The following SEZ6 variants were observed in gnomAD, a reference collection of about 807,000 sequenced individuals.
The protein encoded by SEZ6 is seizure related 6 homolog.
SEZ6 carries 53 observed loss-of-function variants against 101.0 expected under a neutral mutation model. That is an observed-to-expected ratio of 0.52 (90% CI 0.42 to 0.66). The LOEUF (loss-of-function observed/expected upper bound fraction) is 0.66. Ranked by LOEUF, SEZ6 falls within the 30% of genes least tolerant of loss-of-function variation. SEZ6 has a pLI of 0.00. For missense variants in SEZ6, 1,102 were observed against 1,289.4 expected, an observed-to-expected ratio of 0.85 and a Z score of 2.23; for synonymous variants, 488 against 512.2, an observed-to-expected ratio of 0.95 and a Z score of 0.64.
Position 28,960,954 on chromosome 17 carries a change from G to T in SEZ6, c.1260C>A (p.Ile420=), listed in dbSNP as rs2040968629. 1 of 1,613,410 alleles carries T rather than the reference G, an allele frequency of 6.2e-7. No individual in the cohort carries two copies. The highest frequency in any genetic ancestry group is 8.5e-7 in the Non-Finnish European group (1 of 1,179,786). The change falls in exon 6 of 17, where the codon ATC becomes ATA. Residue 420 remains isoleucine, a synonymous_variant. Coordinates refer to ENST00000317338, the MANE Select transcript of SEZ6 (RefSeq NM_178860.5). ...CGATGCGGCCGGTGGTGGCATTGCG[G>T]ATCACTCCGCCGCAAGCAGCTGTTA... ...PVCIAACGGV[I]RNATTGRIVS... is the part of the protein sequence containing the mutation.
Position 29,005,679 on chromosome 17 carries a change from G to C in SEZ6, c.55+136C>G. ...CGCCCCGCCCGGCTTGGCCGGCGCC[G>C]GGGGCAGCGCAGCCGGCGGGGCGCG... On this transcript the variant is annotated intron_variant, in intron 1 of 16. Coordinates refer to ENST00000317338, the MANE Select transcript of SEZ6 (RefSeq NM_178860.5). This position sits in a 1 kb window ranked among gnomAD's most constrained non-coding sequence, Gnocchi z 4.8. The C allele has an allele frequency of 4.9e-6, 4 of 817,650 alleles. No individual in the cohort carries two copies. The highest frequency in any genetic ancestry group is 6.4e-6 in the Non-Finnish European group (4 of 626,222). 50.6% of individuals were successfully genotyped at this position (817,650 alleles called of 1,614,324 possible).
Position 28,956,719 on chromosome 17 carries a change from C to T in SEZ6, c.2731G>A (p.Val911Ile), listed in dbSNP as rs1336591902. The stretch of plus-strand genomic sequence containing the variant: ...TCTGGCCTCAAGGGTGGAGACTTAC[C>T]ATCCAGGCTGCGACTGTTGTAGAAC... ...DGFYNSRSLDVAKAPAASSTL... is the reference protein window; with the variant it reads ...DGFYNSRSLDIAKAPAASSTL... The change falls in exon 14 of 17, where the codon GTT becomes ATT. Residue 911 changes from valine to isoleucine, a missense_variant and splice_region_variant. By Grantham distance (29) the Val-to-Ile change is conservative. Around this residue, in one of 3 missense-constraint regions of SEZ6, gnomAD observed 140 missense variants for 135.7 expected, o/e 1.03. Coordinates refer to ENST00000317338, the MANE Select transcript of SEZ6 (RefSeq NM_178860.5). The T allele has an allele frequency of 1.3e-6, 2 of 1,561,314 alleles. No individual in the cohort carries two copies. Among genetic ancestry groups the T allele is most frequent in the Non-Finnish European group, 8.7e-7 (1 of 1,152,558 alleles).
chr17:28,960,465 C>T (rs368772483), intron 7 of SEZ6, 40 bp downstream of exon 7: 139 of 1,565,158 alleles, frequency 8.9e-5, no homozygotes, highest in African/African-American at 4.1e-4. Context: ...AGCCCATCCC[C>T]GTGGACCCGC....
intron 1 of SEZ6, among the ~76,000 whole-genome samples, chr17:28,985,783 A>C (rs1242159555): frequency 2.0e-5 from 3 of 152,182 alleles, no homozygotes; most frequent in Non-Finnish European, 4.4e-5. Context: ...CATCCATAAA[A>C]CAAGGATAAT....
rs749490032 is a variant in SEZ6 at position 28,969,958 on chromosome 17, A to G, written c.859-6T>C. 3.3e-6 allele frequency: 5 copies of G among 1,522,478 alleles called. No individual in the cohort carries two copies. The highest frequency in any genetic ancestry group is 1.5e-5 in the African/African-American group (1 of 68,642). The allele number at this position is 1,522,478 out of a possible 1,614,324, so 94.3% of individuals were successfully genotyped here. ...CGGAGGCTGATATTCTGGACCTGTC[A>G]GTAGAGTAGAGAGAGAAAAGCAAAG... is the stretch of plus-strand genomic sequence containing the variant. On this transcript the variant is annotated splice_region_variant and splice_polypyrimidine_tract_variant and intron_variant, in intron 3 of 16. Transcript: ENST00000317338.
At chr17:28,977,802 C>T (rs1896097491) in intron 3 of SEZ6, among the ~76,000 whole-genome samples, 1 of 152,202 alleles carries the variant, frequency 6.6e-6, no homozygotes, top group Non-Finnish European at 1.5e-5. Context: ...GCAGCTGGTG[C>T]TTTCCACCCA....
chr17:28,991,110 G>A (rs2041451157), intron 1 of SEZ6, among the ~76,000 whole-genome samples: 1 of 152,108 alleles, frequency 6.6e-6, no homozygotes, highest in South Asian at 2.1e-4. Flanking sequence ...TCGCTGTGTT[G>A]GCCAGGCTGA....
chr17:28,961,017 C>G, intron 5 of SEZ6, 44 bp from the exon 6 acceptor site: 2 of 1,576,900 alleles, frequency 1.3e-6, no homozygotes, highest in Non-Finnish European at 1.7e-6. Context: ...CCTGCCTGAA[C>G]CCAGGCAGCC....
At chr17:28,985,876 C>G (rs893587596) in intron 1 of SEZ6, among the ~76,000 whole-genome samples, 1 of 152,250 alleles carries the variant, frequency 6.6e-6, no homozygotes, top group Non-Finnish European at 1.5e-5. Context: ...AAGATCGTCC[C>G]CGTGATCCCC....
intron 1 of SEZ6, among the ~76,000 whole-genome samples, chr17:28,999,629 C>G (rs979090926): frequency 1.3e-5 from 2 of 152,184 alleles, no homozygotes; most frequent in African/African-American, 2.4e-5. Context: ...CCATCCTCCC[C>G]CCACAGGTCT....
intron 1 of SEZ6, among the ~76,000 whole-genome samples, chr17:28,994,173 G>A (rs1045258544): frequency 1.3e-5 from 2 of 152,212 alleles, no homozygotes; most frequent in African/African-American, 2.4e-5. Flanking sequence ...AGAAGGCCTC[G>A]AGCATGGATG....
At chr17:28,993,597 T>C (rs983444701) in intron 1 of SEZ6, among the ~76,000 whole-genome samples, 5 of 152,116 alleles carry the variant, frequency 3.3e-5, no homozygotes, top group Admixed American at 6.5e-5. Context: ...AGTGGTGAAG[T>C]TGGGGGACAG....
intron 10 of SEZ6, 118 bp from the exon 11 acceptor site, chr17:28,958,259 G>T: frequency 8.2e-7 from 1 of 1,212,268 alleles, no homozygotes; most frequent in East Asian, 2.4e-5. Flanking sequence ...TGTCCTGGGC[G>T]GGCTCAGGGA....
intron 3 of SEZ6, among the ~76,000 whole-genome samples, chr17:28,977,199 C>A (rs1462040202): frequency 6.6e-6 from 1 of 152,214 alleles, no homozygotes; most frequent in Non-Finnish European, 1.5e-5. Flanking sequence ...TTCTTCAGGT[C>A]CCAAGTGGCC....
chr17:29,006,194 C>T (rs1211698923), upstream of SEZ6: 1 of 213,990 alleles, frequency 4.7e-6, no homozygotes, highest in East Asian at 9.9e-5. Flanking sequence ...TGTGGGCACA[C>T]GGCCCCTGCC....
chr17:28,967,124 A>G (rs189037445), intron 4 of SEZ6, among the ~76,000 whole-genome samples: 24 of 152,342 alleles, frequency 1.6e-4, no homozygotes, highest in Non-Finnish European at 2.9e-4. Context: ...GTGAGAAGAC[A>G]TATGTGCAGT....
Position 28,960,571 on chromosome 17 carries a change from G to A in SEZ6, c.1510C>T (p.His504Tyr), listed in dbSNP as rs201831111. 9.2e-5 allele frequency: 147 copies of A among 1,593,798 alleles called. No individual in the cohort carries two copies. Among genetic ancestry groups the A allele is most frequent in the Non-Finnish European group, 1.2e-4 (138 of 1,170,600 alleles). Residue 504 changes from histidine to tyrosine, a missense_variant, in exon 7 of 17, where the codon CAC (histidine) becomes TAC (tyrosine). By Grantham distance (83) the His-to-Tyr change is moderately conservative. Coordinates refer to ENST00000317338, the MANE Select transcript of SEZ6 (RefSeq NM_178860.5). ...TCAGTACTGAGCTCAACAAAGAAGT[G>A]TTTGCCAGAGCTGAGCAGGCCCTCA... ...PIEGLLSSGK[H>Y]FFVELSTDSS...
At chr17:28,982,406 A>C (rs2041321496) in intron 1 of SEZ6, among the ~76,000 whole-genome samples, 1 of 152,222 alleles carries the variant, frequency 6.6e-6, no homozygotes, top group African/African-American at 2.4e-5. Context: ...AATGAAGAGC[A>C]GAGGCCTTAT....
At chr17:28,999,992 TG>T (rs1302313326) in intron 1 of SEZ6, among the ~76,000 whole-genome samples, 2 of 152,248 alleles carry the variant, frequency 1.3e-5, no homozygotes, top group East Asian at 3.8e-4. Flanking sequence ...AGTGAAGGGC[TG>T]TTTATGTCTT....
Sources: gnomAD v4.1 joint callset for allele counts (sites outside exome capture counted in the v4.1 genomes callset) on GRCh38, gnomAD v4.1.1 for gene constraint, gnomAD v4.1.1 regional missense constraint, Gnocchi (gnomAD v3.1) non-coding constraint, MANE v1.5 for transcripts, NCBI Gene and HGNC (gene_info 2026-07-23, HGNC 2026-07-21) for gene names.